TRIM46: variants seen among roughly 807,000 people sequenced by gnomAD.
TRIM46 encodes tripartite motif containing 46.
In TRIM46, 17 loss-of-function variants were observed where a neutral mutation model predicts 69.7. That is an observed-to-expected ratio of 0.24 (90% CI 0.17 to 0.37). The LOEUF (loss-of-function observed/expected upper bound fraction) is 0.37, where lower values mean the gene tolerates loss of function less well. TRIM46 is among the 10% of genes least tolerant of loss of function. The probability of loss-of-function intolerance (pLI) is 1.00; values close to 1 mark genes in which losing one functional copy is unlikely to be tolerated. For synonymous variants in TRIM46, 391 were observed against 429.0 expected, an observed-to-expected ratio of 0.91 and a Z score of 1.09; for missense variants, 675 against 1,025.1, an observed-to-expected ratio of 0.66 and a Z score of 4.66.
Position 155,175,153 on chromosome 1 carries a change from C to G in TRIM46, c.64-233C>G. On this transcript the variant is annotated intron_variant, in intron 1 of 9. Transcript: ENST00000334634. This position sits in a 1 kb window ranked among gnomAD's most constrained non-coding sequence, Gnocchi z 4.2. ...ATTGGGCTTGAGGCTGGAGCAGGCA[C>G]AAGCTCCAACCGTCCCTCCTCTGGG... 1 of 1,397,222 alleles carries G rather than the reference C, an allele frequency of 7.2e-7. No homozygotes were observed. Among genetic ancestry groups the G allele is most frequent in the Non-Finnish European group, 9.2e-7 (1 of 1,082,854 alleles). The allele number at this position is 1,397,222 out of a possible 1,614,324, so 86.6% of individuals were successfully genotyped here.
chr1:155,174,791 G>T (rs747598080), intron 1 of TRIM46: 1 of 1,454,628 alleles, frequency 6.9e-7, no homozygotes, highest in Non-Finnish European at 9.0e-7. Flanking sequence ...GGGTTGCGCT[G>T]CGGGAGAGGG....
chr1:155,175,524 G>C lies in TRIM46; in HGVS notation c.202G>C (p.Gly68Arg), dbSNP rs1665572395. The C allele has an allele frequency of 6.2e-7, 1 of 1,613,958 alleles. No individual in the cohort carries two copies. Among genetic ancestry groups the C allele is most frequent in the African/African-American group, 1.3e-5 (1 of 74,922 alleles). Residue 68 changes from glycine (G) to arginine (R), a missense_variant, in exon 2 of 10, where the codon GGA (glycine) becomes CGA (arginine). Transcript: ENST00000334634. The surrounding 1 kb of genome is among the most constrained non-coding windows in gnomAD (Gnocchi z 4.2). ...GGTCTTGGGCCAGCAGGGCTACATA[G>C]GACATGGTGGGGACCCCAGCTCCGA... ...REVLGQQGYIGHGGDPSSEPT... is the reference protein window; with the variant it reads ...REVLGQQGYIRHGGDPSSEPT...
chr1:155,183,962 A>G lies in TRIM46; in HGVS notation c.2052A>G (p.Thr684=). Residue 684 remains threonine (T), a synonymous_variant, in exon 10 of 10, where the codon ACA becomes ACG. Coordinates refer to ENST00000334634, the MANE Select transcript of TRIM46 (RefSeq NM_025058.5). ...TGRDGPTAGC[T]VPLPPRLGIC... ...GGGATGGCCCCACAGCCGGCTGCAC[A>G]GTGCCCCTGCCACCCCGCCTGGGCA... 1 of 1,613,954 alleles carries G rather than the reference A, an allele frequency of 6.2e-7. No individual in the cohort carries two copies. Among genetic ancestry groups the G allele is most frequent in the Non-Finnish European group, 8.5e-7 (1 of 1,180,008 alleles).
rs376153941 is a variant in TRIM46, at chr1:155,179,745, C to T, written c.1399C>T (p.Arg467Trp). 5.6e-6 allele frequency: 9 copies of T among 1,613,256 alleles called. No individual in the cohort carries two copies. Among genetic ancestry groups the T allele is most frequent in the Admixed American group, 1.7e-5 (1 of 60,004 alleles). ...PPAWHYTVEF[R>W]RTDVPAQPGP... Reference sequence around the variant, plus strand: ...TGCCTGGCACTATACCGTTGAGTTCCGGCGCACGGATGTGCCTGCTCAGCC... The same window carrying T: ...TGCCTGGCACTATACCGTTGAGTTCTGGCGCACGGATGTGCCTGCTCAGCC... Residue 467 changes from arginine to tryptophan, a missense_variant, in exon 8 of 10, where the codon CGG becomes TGG. Arg to Trp is a moderately radical substitution (Grantham distance 101). Transcript: ENST00000334634.
At chr1:155,183,750 G>A (rs780216284) in intron 9 of TRIM46, 47 bp from the exon 10 acceptor site, 37 of 1,589,738 alleles carry the variant, frequency 2.3e-5, no homozygotes, top group African/African-American at 5.4e-5. Flanking sequence ...TACCTCATCC[G>A]TCACTCCATC....
chr1:155,181,529 A>G lies in TRIM46; in HGVS notation c.1589-323A>G, dbSNP rs1039179878. Among the ~76,000 whole-genome samples the G allele has an allele frequency of 6.6e-6, 1 of 152,184 alleles. No individual in the cohort carries two copies. The highest frequency in any genetic ancestry group is 1.5e-5 in the Non-Finnish European group (1 of 68,032). The stretch of plus-strand genomic sequence containing the variant: ...TGGGAATGTCACCAGGTGGAACAGA[A>G]TAGTGGGAACTGTCCATGGGGCTGG... On this transcript the variant is annotated intron_variant, in intron 8 of 9. Transcript: ENST00000334634. This position sits in a 1 kb window ranked among gnomAD's most constrained non-coding sequence, Gnocchi z 4.3.
intron 1 of TRIM46, chr1:155,174,642 G>T: frequency 6.6e-7 from 1 of 1,524,268 alleles, no homozygotes; most frequent in Non-Finnish European, 8.8e-7. Context: ...AGGGACCAAG[G>T]TGAGGTGTGG....
At chr1:155,178,936 T>G in intron 7 of TRIM46, 4 of 958,148 alleles carry the variant, frequency 4.2e-6, no homozygotes, top group South Asian at 1.4e-5. Context: ...CAACCACTCA[T>G]TGCTTCCTTC....
chr1:155,179,619 T>C lies in TRIM46; in HGVS notation c.1286-13T>C, dbSNP rs763936230. 1 of 1,576,764 alleles carries C rather than the reference T, an allele frequency of 6.3e-7. No individual in the cohort carries two copies. Among genetic ancestry groups the C allele is most frequent in the South Asian group, 1.2e-5 (1 of 86,468 alleles). On this transcript the variant is annotated splice_polypyrimidine_tract_variant and intron_variant, in intron 7 of 9. Coordinates refer to ENST00000334634, the MANE Select transcript of TRIM46 (RefSeq NM_025058.5). ...GCCAGGCCCTGACTGACACCCGCTG[T>C]CTCTTCCAACAGTGCCTGAGGCCCC... is the stretch of plus-strand genomic sequence containing the variant.
chr1:155,174,030 G>T lies in TRIM46; in HGVS notation c.63+1G>T. 1 of 1,560,994 alleles carries T rather than the reference G, an allele frequency of 6.4e-7. No homozygotes were observed. Among genetic ancestry groups the T allele is most frequent in the Non-Finnish European group, 8.7e-7 (1 of 1,152,822 alleles). The stretch of plus-strand genomic sequence containing the variant: ...CATGGACGCACTGGTCCGCATCAGT[G>T]TGAGTTAAGGTGGGGTCGAGGGAAG... On this transcript the variant is annotated splice_donor_variant, in intron 1 of 9. Coordinates refer to ENST00000334634, the MANE Select transcript of TRIM46 (RefSeq NM_025058.5). LOFTEE classifies it high-confidence loss of function.
chr1:155,175,476 G>C lies in TRIM46; in HGVS notation c.154G>C (p.Val52Leu). 2.5e-6 allele frequency: 4 copies of C among 1,614,156 alleles called. No homozygotes were observed. The highest frequency in any genetic ancestry group is 3.4e-6 in the Non-Finnish European group (4 of 1,180,004). Residue 52 changes from valine to leucine, a missense_variant, in exon 2 of 10, where the codon GTG becomes CTG. Physicochemically the swap from Val to Leu is conservative, Grantham distance 32 (BLOSUM62 1). Around this residue, in one of 5 missense-constraint regions of TRIM46, gnomAD observed 170 missense variants for 255.6 expected, o/e 0.67. Transcript: ENST00000334634. The surrounding 1 kb of genome is among the most constrained non-coding windows in gnomAD (Gnocchi z 4.2). ...QPLVLPCTHN[V>L]CQACAREVLG... ...ACTGGTGCTGCCCTGTACCCACAAC[G>C]TGTGCCAGGCCTGTGCCCGAGAGGT...
chr1:155,174,797 G>A, intron 1 of TRIM46: 3 of 1,454,324 alleles, frequency 2.1e-6, no homozygotes, highest in South Asian at 1.4e-5. Flanking sequence ...CGCTGCGGGA[G>A]AGGGCGGGAG....
At chr1:155,183,711 C>T (rs1666347509) in intron 9 of TRIM46, 86 bp from the exon 10 acceptor site, 1 of 1,541,320 alleles carries the variant, frequency 6.5e-7, no homozygotes, top group East Asian at 2.2e-5. Flanking sequence ...TGCTCCTTAA[C>T]ATTCCATCCT....
intron 1 of TRIM46, chr1:155,174,621 G>C (rs1316580839): frequency 1.2e-5 from 18 of 1,528,996 alleles, no homozygotes; most frequent in Non-Finnish European, 1.6e-5. Context: ...GACCGGGATG[G>C]CTGCGAAGAG....
chr1:155,176,285 G>C, intron 3 of TRIM46, 54 bp downstream of exon 3: 1 of 1,511,066 alleles, frequency 6.6e-7, no homozygotes, highest in Non-Finnish European at 8.9e-7. Flanking sequence ...CTGCAGGTGG[G>C]TGGGGGTGCC....
rs546518730 is a variant in TRIM46, at chr1:155,175,111, C to T, written c.64-275C>T. 2.2e-6 allele frequency: 3 copies of T among 1,367,826 alleles called. No individual in the cohort carries two copies. The highest frequency in any genetic ancestry group is 7.0e-5 in the Admixed American group (2 of 28,450). The allele number at this position is 1,367,826 out of a possible 1,614,324, so 84.7% of individuals were successfully genotyped here. ...AGGGGGCTGCCAGCTGGGGCTACTG[C>T]AGCTGGAGAAATGGGGATTGGGCTT... On this transcript the variant is annotated intron_variant, in intron 1 of 9. Coordinates refer to ENST00000334634, the MANE Select transcript of TRIM46 (RefSeq NM_025058.5). The surrounding 1 kb of genome is among the most constrained non-coding windows in gnomAD (Gnocchi z 4.2).
intron 7 of TRIM46, 96 bp from the exon 8 acceptor site, chr1:155,179,536 C>A: frequency 2.5e-6 from 3 of 1,185,824 alleles, no homozygotes; most frequent in Non-Finnish European, 3.5e-6. Context: ...ACTCACCCCC[C>A]CGGCTCCCGC....
rs1666199068 is a variant in TRIM46, at chr1:155,181,890, C to T, written c.1627C>T (p.Arg543Ter). The change falls in exon 9 of 10, where the codon CGA (arginine) becomes TGA (stop). Residue 543 changes from arginine to a stop codon, truncating the protein, a stop_gained. Transcript: ENST00000334634. LOFTEE classifies it high-confidence loss of function. This position sits in a 1 kb window ranked among gnomAD's most constrained non-coding sequence, Gnocchi z 4.3. ...CCTCGATAGCCGCTGGGGCGCAAGC[C>T]GAGAGCGGCTGGCTATCAGCAAGGA... ...FFLDSRWGASRERLAISKDQR... is the reference protein window; with the variant it reads ...FFLDSRWGAS 3 of 1,613,324 alleles carry T rather than the reference C, an allele frequency of 1.9e-6. No homozygotes were observed. Among genetic ancestry groups the T allele is most frequent in the Non-Finnish European group, 1.7e-6 (2 of 1,179,588 alleles).
At chr1:155,174,532 G>A (rs1193567042) in intron 1 of TRIM46, 2 of 1,462,942 alleles carry the variant, frequency 1.4e-6, no homozygotes, top group Non-Finnish European at 1.8e-6. Flanking sequence ...CTCTCCCAGG[G>A]GCGGTGCCAA....
Sources: gnomAD v4.1 joint callset for allele counts (sites outside exome capture counted in the v4.1 genomes callset) on GRCh38, gnomAD v4.1.1 for gene constraint, gnomAD v4.1.1 regional missense constraint, Gnocchi (gnomAD v3.1) non-coding constraint, MANE v1.5 for transcripts, NCBI Gene and HGNC (gene_info 2026-07-23, HGNC 2026-07-21) for gene names.